The following MYOM2 variants were observed in gnomAD, a reference collection of about 807,000 sequenced individuals.
The protein encoded by MYOM2 is myomesin 2.
Under a neutral mutation model 187.6 loss-of-function variants are expected in MYOM2, and 254 were observed. The ratio of observed to expected loss-of-function variants is 1.35; its 90% CI spans 1.22 to 1.50. The LOEUF (loss-of-function observed/expected upper bound fraction) is 1.50. Among genes scored for constraint, MYOM2 ranks in the 40% most tolerant of loss-of-function variants. The pLI is 0.00. For synonymous variants in MYOM2, 981 were observed against 753.8 expected (o/e 1.30, Z -4.94); for missense variants, 2,796 against 1,924.0 (o/e 1.45, Z -8.48).
At chr8:2,075,059 C>T (rs1344135280) in intron 10 of MYOM2, among the ~76,000 whole-genome samples, 5 of 152,220 alleles carry the variant, frequency 3.3e-5, no homozygotes, top group African/African-American at 7.2e-5. Flanking sequence ...TTTTCCATTG[C>T]ATCCATTAGA....
At chr8:2,095,662 T>A (rs563572237) in intron 17 of MYOM2, among the ~76,000 whole-genome samples, 1 of 152,286 alleles carries the variant, frequency 6.6e-6, no homozygotes, top group South Asian at 2.1e-4. Context: ...GATGGCCACA[T>A]TGAGGTGACT....
At chr8:2,141,085 A>G (rs368403063) in intron 33 of MYOM2, 56 bp from the exon 34 acceptor site, 1 of 1,540,194 alleles carries the variant, frequency 6.5e-7, no homozygotes, top group African/African-American at 1.4e-5. Flanking sequence ...ATTTGAGTGA[A>G]TAAATAAAAT....
chr8:2,064,224 C>T (rs946034528), intron 6 of MYOM2, among the ~76,000 whole-genome samples: 1 of 152,192 alleles, frequency 6.6e-6, no homozygotes, highest in Admixed American at 6.5e-5. Context: ...GGAGGCAGGG[C>T]AAGGGTGCCC....
At chr8:2,092,271 A>G in intron 15 of MYOM2, 75 bp from the exon 16 acceptor site, 1 of 1,517,952 alleles carries the variant, frequency 6.6e-7, no homozygotes, top group Non-Finnish European at 9.0e-7. Context: ...CCCTGTGAAA[A>G]GGGCCGGAAG....
intron 3 of MYOM2, among the ~76,000 whole-genome samples, chr8:2,055,238 T>G (rs967820456): frequency 6.6e-6 from 1 of 152,142 alleles, no homozygotes; most frequent in Non-Finnish European, 1.5e-5. Flanking sequence ...AGGGCTGGTG[T>G]CATTCAACAT....
chr8:2,071,681 C>A (rs1164198087), intron 8 of MYOM2, among the ~76,000 whole-genome samples: 1 of 152,214 alleles, frequency 6.6e-6, no homozygotes, highest in East Asian at 1.9e-4. Flanking sequence ...TCCGCAGTGG[C>A]TTGTCTCCGC....
intron 28 of MYOM2, 40 bp downstream of exon 28, chr8:2,117,992 T>A (rs1397573626): frequency 6.3e-7 from 1 of 1,579,506 alleles, no homozygotes; most frequent in Non-Finnish European, 8.7e-7. Context: ...ATAAATCTCA[T>A]TCTGGTTCCT....
chr8:2,091,818 T>A (rs993066552), intron 15 of MYOM2, among the ~76,000 whole-genome samples: 10 of 152,134 alleles, frequency 6.6e-5, no homozygotes, highest in Non-Finnish European at 1.0e-4. Flanking sequence ...GTGGCCCAGG[T>A]GGCCGGCACG....
chr8:2,051,560 G>C (rs1818488269), intron 2 of MYOM2, among the ~76,000 whole-genome samples: 1 of 152,216 alleles, frequency 6.6e-6, no homozygotes, highest in African/African-American at 2.4e-5. Flanking sequence ...AAACGCTTAG[G>C]GTACTTTTAT....
Position 2,068,571 on chromosome 8 carries a change from G to A in MYOM2, c.654-707G>A, listed in dbSNP as rs370019948. 4.4e-4 allele frequency among the ~76,000 whole-genome samples: 66 copies of A among 149,986 alleles called. 1 individual carries two copies. Among genetic ancestry groups the A allele is most frequent in the African/African-American group, 1.4e-3 (58 of 40,700 alleles). ...GCACCAGGCGGAGAGCATCCCGGGG[G>A]ACAGCTCTTCAATGCCCATGTGCAC... On this transcript the variant is annotated intron_variant, in intron 6 of 36. Coordinates refer to ENST00000262113, the MANE Select transcript of MYOM2 (RefSeq NM_003970.4).
intron 17 of MYOM2, 86 bp from the exon 18 acceptor site, chr8:2,096,161 C>T: frequency 7.3e-7 from 1 of 1,364,828 alleles, no homozygotes; most frequent in Non-Finnish European, 1.0e-6. Context: ...GCTTCCTCCT[C>T]CCTCTGCCAC....
Position 2,116,062 on chromosome 8 carries a change from G to C in MYOM2, c.3283G>C (p.Gly1095Arg). 6.2e-7 allele frequency: 1 copy of C among 1,613,808 alleles called. No homozygotes were observed. The highest frequency in any genetic ancestry group is 1.3e-5 in the African/African-American group (1 of 75,000). ...GACCTACACTGTGCAGATTCATGAT[G>C]GGAAAGCCAAAAGTCAGTCTTCTCT... ...EGTYTVQIHD[G>R]KAKSQSSLVL... Residue 1095 changes from glycine to arginine, a missense_variant, in exon 26 of 37, where the codon GGG becomes CGG. Coordinates refer to ENST00000262113, the MANE Select transcript of MYOM2 (RefSeq NM_003970.4).
At chr8:2,066,250 T>C (rs1291301679) in intron 6 of MYOM2, among the ~76,000 whole-genome samples, 1 of 152,152 alleles carries the variant, frequency 6.6e-6, no homozygotes, top group Non-Finnish European at 1.5e-5. Flanking sequence ...GCTTCTCTGG[T>C]TTATGGCTCC....
chr8:2,120,658 G>GTA (rs1188510311), intron 28 of MYOM2, among the ~76,000 whole-genome samples: 193 of 2,810 alleles, frequency 0.069, 16 homozygotes, highest in Non-Finnish European at 0.097. Context: ...TTGATTTCCT[G>GTA]TATATATATA....
Position 2,086,377 on chromosome 8 carries a change from C to T in MYOM2, c.1644+987C>T, listed in dbSNP as rs1173298849. Among the ~76,000 whole-genome samples, 52 of 111,160 alleles carry T rather than the reference C, an allele frequency of 4.7e-4. 5 individuals carry two copies. The highest frequency in any genetic ancestry group is 7.6e-4 in the Admixed American group (9 of 11,882). The allele number at this position is 111,160 out of a possible 152,430, so 72.9% of individuals were successfully genotyped here. Reference sequence around the variant, plus strand: ...GCGTGGCCTCCCACTGTTGTGATCTCTGCGTGGCCTCCCACTGTTGTGATC... The same window carrying T: ...GCGTGGCCTCCCACTGTTGTGATCTTTGCGTGGCCTCCCACTGTTGTGATC... On this transcript the variant is annotated intron_variant, in intron 14 of 36. Coordinates refer to ENST00000262113, the MANE Select transcript of MYOM2 (RefSeq NM_003970.4).
At position 2,073,498 on chromosome 8, in the gene MYOM2, G is replaced by C. The variant is rs1351711320; in HGVS notation, c.1118G>C (p.Arg373Thr). 6.2e-7 allele frequency: 1 copy of C among 1,601,082 alleles called. No homozygotes were observed. Among genetic ancestry groups the C allele is most frequent in the Non-Finnish European group, 8.5e-7 (1 of 1,177,942 alleles). ...VSDHSAFLFV[R>T]DADPLVTGAP... ...GACCACAGCGCCTTCCTGTTTGTCA[G>C]AGGTGCGGGCAGCAGGGTTCTCAGG... Residue 373 changes from arginine (R) to threonine (T), a missense_variant and splice_region_variant, in exon 10 of 37, where the codon AGA becomes ACA. Coordinates refer to ENST00000262113, the MANE Select transcript of MYOM2 (RefSeq NM_003970.4).
At chr8:2,141,269 G>T in intron 34 of MYOM2, 92 bp downstream of exon 34, 1 of 1,133,884 alleles carries the variant, frequency 8.8e-7, no homozygotes, top group Non-Finnish European at 1.3e-6. Flanking sequence ...TGGAAGCCTG[G>T]GTGACCTAAA....
At chr8:2,046,334 C>T (rs1367452956) in intron 1 of MYOM2, among the ~76,000 whole-genome samples, 1 of 152,154 alleles carries the variant, frequency 6.6e-6, no homozygotes. Context: ...GAGAGGCTCG[C>T]GTTTCATCCT....
chr8:2,143,475 G>A lies in MYOM2; in HGVS notation c.4080+19G>A. 1 of 1,614,090 alleles carries A rather than the reference G, an allele frequency of 6.2e-7. No individual in the cohort carries two copies. The highest frequency in any genetic ancestry group is 1.6e-4 in the Middle Eastern group (1 of 6,062). ...AGGGAAGGTGAGGATTCTAAACTCG[G>A]CCGGGGTGGGGGTGTCAGCACGGTG... On this transcript the variant is annotated intron_variant, in intron 36 of 36. Transcript: ENST00000262113.
Sources: allele counts gnomAD v4.1 joint callset (sites outside exome capture counted in the v4.1 genomes callset), GRCh38; gene constraint gnomAD v4.1.1; transcripts MANE v1.5; gene names NCBI Gene and HGNC (gene_info 2026-07-23, HGNC 2026-07-21).